Variants in MTMR7 observed in about 807,000 individuals in gnomAD.
MTMR7 encodes the protein myotubularin related protein 7, also known as phosphatidylinositol-3-phosphate phosphatase MTMR7.
MTMR7 carries 76 observed loss-of-function variants against 81.2 expected under a neutral mutation model. The observed-to-expected ratio is 0.94, with a 90% confidence interval of 0.78 to 1.13. MTMR7 has a LOEUF of 1.13. Ranked by LOEUF, MTMR7 falls within the 50% of genes most tolerant of loss-of-function variation. The pLI, the probability that MTMR7 is intolerant of heterozygous loss-of-function variation, is 0.00. For synonymous variants in MTMR7, 372 were observed against 289.8 expected (o/e 1.28, Z -2.88); for missense variants, 1,044 against 820.0 (o/e 1.27, Z -3.34).
rs1341484625 is a variant in MTMR7, at chr8:17,341,375, G to A, written c.720C>T (p.Asp240=). ...NPGSDFVYVV[D]TRPKLNAMAN... ...CGGTGACACTTACTTTAGGCCGGGT[G>A]TCAACGACATAAACGAAGTCACTTC... The change falls in exon 6 of 14, where the codon GAC becomes GAT. Residue 240 remains aspartate, a synonymous_variant. Coordinates refer to ENST00000180173, the MANE Select transcript of MTMR7 (RefSeq NM_004686.5). 1.2e-6 allele frequency: 2 copies of A among 1,614,054 alleles called. No homozygotes were observed. The highest frequency in any genetic ancestry group is 1.3e-5 in the African/African-American group (1 of 74,956).
intron 13 of MTMR7, 113 bp from the exon 14 acceptor site, chr8:17,300,337 G>A (rs1817034280): frequency 8.6e-7 from 1 of 1,168,738 alleles, no homozygotes; most frequent in Admixed American, 2.8e-5. Flanking sequence ...TTAAGAACAT[G>A]TGACTCAGAG....
At chr8:17,373,574 G>A (rs927679179) in intron 1 of MTMR7, among the ~76,000 whole-genome samples, 1 of 152,140 alleles carries the variant, frequency 6.6e-6, no homozygotes, top group African/African-American at 2.4e-5. Flanking sequence ...AAAGCAGAAA[G>A]TGTATGTGTT....
chr8:17,369,641 CTTTTTTTTT>C (rs71212689), intron 3 of MTMR7, among the ~76,000 whole-genome samples: 6 of 106,240 alleles, frequency 5.6e-5, no homozygotes, highest in East Asian at 5.7e-4. Context: ...TTCTTTTTTT[CTTTTTTTTT>C]TTTTTTTTTT....
At chr8:17,349,426 T>G (rs941178138) in intron 4 of MTMR7, 2 of 195,768 alleles carry the variant, frequency 1.0e-5, no homozygotes, top group African/African-American at 4.6e-5. Flanking sequence ...AAATCTGAGC[T>G]GCCAGGATTT....
chr8:17,371,466 G>C (rs1368051620), intron 2 of MTMR7, among the ~76,000 whole-genome samples: 1 of 152,202 alleles, frequency 6.6e-6, no homozygotes, highest in Non-Finnish European at 1.5e-5. Context: ...ATTTGCACAA[G>C]TCCAGGTATG....
intron 1 of MTMR7, among the ~76,000 whole-genome samples, chr8:17,408,299 G>C (rs1821647239): frequency 9.0e-6 from 1 of 111,676 alleles, no homozygotes. Flanking sequence ...TGAGGCAGGA[G>C]AATGGCGTGA....
In MTMR7 at chr8:17,377,930, T is replaced by C. The variant is rs542142297; in HGVS notation, c.25-4690A>G. On this transcript the variant is annotated intron_variant, in intron 1 of 13. Coordinates refer to ENST00000180173, the MANE Select transcript of MTMR7 (RefSeq NM_004686.5). ...GAGAAAAATAAGGGGATAGAAACTT[T>C]ATTGAGATAATCATATTGAGCATAA... 1.3e-3 allele frequency among the ~76,000 whole-genome samples: 191 copies of C among 152,296 alleles called. 1 individual carries two copies. The highest frequency in any genetic ancestry group is 4.1e-3 in the African/African-American group (169 of 41,578).
intron 5 of MTMR7, among the ~76,000 whole-genome samples, chr8:17,344,965 T>TAA (rs557648085): frequency 6.7e-6 from 1 of 149,874 alleles, no homozygotes; most frequent in Non-Finnish European, 1.5e-5. Flanking sequence ...AGTGAAACTT[T>TAA]AAAAAAAAAA....
intron 8 of MTMR7, among the ~76,000 whole-genome samples, chr8:17,312,067 C>A (rs2073689): frequency 0.7 from 107,104 of 152,036 alleles, 38,643 homozygotes; most frequent in African/African-American, 0.86. Flanking sequence ...AAAAGGTAAG[C>A]GTCAAGTAAT....
At chr8:17,327,820 C>A (rs1365909165) in intron 7 of MTMR7, among the ~76,000 whole-genome samples, 1 of 152,140 alleles carries the variant, frequency 6.6e-6, no homozygotes, top group African/African-American at 2.4e-5. Flanking sequence ...TCTCTAATTA[C>A]CAGAGCAAAT....
chr8:17,399,103 C>T (rs1414942288), intron 1 of MTMR7, among the ~76,000 whole-genome samples: 1 of 151,434 alleles, frequency 6.6e-6, no homozygotes, highest in Non-Finnish European at 1.5e-5. Context: ...TACAATTATT[C>T]AACATAGTAC....
rs767648279 is a variant in MTMR7, at chr8:17,361,098, T to G, written c.468+19A>C. 5 of 1,613,666 alleles carry G rather than the reference T, an allele frequency of 3.1e-6. No individual in the cohort carries two copies. Among genetic ancestry groups the G allele is most frequent in the Non-Finnish European group, 3.4e-6 (4 of 1,179,674 alleles). On this transcript the variant is annotated intron_variant, in intron 4 of 13. Transcript: ENST00000180173. ...CCCTAATTTCATGCGGCTTCAGTGTTTGGGTTTCACGCACTCACTCTGTAG... is the reference window on the plus strand; with the variant it reads ...CCCTAATTTCATGCGGCTTCAGTGTGTGGGTTTCACGCACTCACTCTGTAG...
intron 4 of MTMR7, among the ~76,000 whole-genome samples, chr8:17,353,218 T>C (rs1015099897): frequency 1.3e-5 from 2 of 152,188 alleles, no homozygotes; most frequent in African/African-American, 4.8e-5. Context: ...ATTCCACTTA[T>C]ATGAGGTATC....
intron 4 of MTMR7, 139 bp from the exon 5 acceptor site, chr8:17,349,220 GA>G: frequency 1.0e-6 from 1 of 995,926 alleles, no homozygotes; most frequent in East Asian, 2.5e-5. Flanking sequence ...CTATTTCGAG[GA>G]AACTCAAAGC....
Position 17,313,247 on chromosome 8 carries a change from G to C in MTMR7, c.975+45C>G, listed in dbSNP as rs201394861. ...AGGGATACCCATTTTGAAGTCAGTG[G>C]TTTGCTCATCTGTCCCTTAATTTAT... On this transcript the variant is annotated intron_variant, in intron 8 of 13. Coordinates refer to ENST00000180173, the MANE Select transcript of MTMR7 (RefSeq NM_004686.5). 3.4e-4 allele frequency: 481 copies of C among 1,433,862 alleles called. 1 individual carries two copies. The highest frequency in any genetic ancestry group is 4.3e-4 in the Non-Finnish European group (442 of 1,020,142). 88.8% of individuals were successfully genotyped at this position (1,433,862 alleles called of 1,614,324 possible). A position where few individuals can be genotyped will look rare whatever the true frequency, so the allele number is the denominator to read the frequency against.
At chr8:17,306,102 G>C (rs1409048730) in intron 10 of MTMR7, 145 bp from the exon 11 acceptor site, 3 of 680,590 alleles carry the variant, frequency 4.4e-6, no homozygotes, top group Non-Finnish European at 7.0e-6. Context: ...AGGTAGAAAA[G>C]TTAAGATTTT....
At chr8:17,300,388 A>ACTTCACGACC in intron 13 of MTMR7, 164 bp from the exon 14 acceptor site, 2 of 685,794 alleles carry the variant, frequency 2.9e-6, no homozygotes, top group Middle Eastern at 8.3e-4. Context: ...CTTGGACAAA[A>ACTTCACGACC]TCTGTGAGGC....
chr8:17,361,395 C>A, intron 3 of MTMR7, 121 bp from the exon 4 acceptor site: 2 of 1,040,880 alleles, frequency 1.9e-6, no homozygotes, highest in South Asian at 2.9e-5. Context: ...CCACCCCCAG[C>A]ACACTCTTGG....
intron 13 of MTMR7, chr8:17,301,913 A>G: frequency 2.3e-6 from 1 of 443,876 alleles, no homozygotes; most frequent in Non-Finnish European, 3.9e-6. Flanking sequence ...TTGACCTAAA[A>G]TAAGGAACAA....
Sources: allele counts gnomAD v4.1 joint callset (sites outside exome capture counted in the v4.1 genomes callset), GRCh38; gene constraint gnomAD v4.1.1; transcripts MANE v1.5; gene names NCBI Gene and HGNC (gene_info 2026-07-23, HGNC 2026-07-21).